Variants in PTPRK observed in about 807,000 individuals in gnomAD.
The protein encoded by PTPRK is receptor-type tyrosine-protein phosphatase kappa.
Under a neutral mutation model 178.0 loss-of-function variants are expected in PTPRK, and 75 were observed. The observed-to-expected ratio is 0.42, with a 90% CI of 0.35 to 0.51. PTPRK has a LOEUF of 0.51. Ranked by LOEUF, PTPRK falls within the 20% of genes least tolerant of loss-of-function variation. The pLI is 0.02. For missense variants in PTPRK, 1,441 were observed against 1,797.8 expected, an observed-to-expected ratio of 0.80 and a Z score of 3.59; for synonymous variants, 637 against 620.6, an observed-to-expected ratio of 1.03 and a Z score of -0.39.
intron 1 of PTPRK, among the ~76,000 whole-genome samples, chr6:128,445,654 G>A (rs1267042673): frequency 6.6e-6 from 1 of 151,938 alleles, no homozygotes; most frequent in Non-Finnish European, 1.5e-5. Context: ...CAAAGCAATG[G>A]CAATTATATA....
At chr6:128,336,898 C>T (rs1203041733) in intron 2 of PTPRK, among the ~76,000 whole-genome samples, 1 of 152,156 alleles carries the variant, frequency 6.6e-6, no homozygotes, top group African/African-American at 2.4e-5. Flanking sequence ...ACTGCATGCT[C>T]AAGCACAAGT....
At chr6:128,142,166 T>C (rs953202315) in intron 7 of PTPRK, among the ~76,000 whole-genome samples, 1 of 152,014 alleles carries the variant, frequency 6.6e-6, no homozygotes, top group African/African-American at 2.4e-5. Flanking sequence ...ACAGCTATTG[T>C]AAATGACAAT....
At chr6:128,346,773 C>G (rs1175574020) in intron 2 of PTPRK, among the ~76,000 whole-genome samples, 1 of 152,060 alleles carries the variant, frequency 6.6e-6, no homozygotes, top group Non-Finnish European at 1.5e-5. Context: ...GATAATACAG[C>G]CTGCCTCATA....
At chr6:128,132,898 G>C (rs1794472761) in intron 7 of PTPRK, among the ~76,000 whole-genome samples, 2 of 152,004 alleles carry the variant, frequency 1.3e-5, no homozygotes, top group Admixed American at 1.3e-4. Context: ...TGAACATCTA[G>C]GTGTCAGCAT....
intron 1 of PTPRK, among the ~76,000 whole-genome samples, chr6:128,433,209 C>T (rs1845062592): frequency 6.6e-6 from 1 of 152,100 alleles, no homozygotes; most frequent in South Asian, 2.1e-4. Context: ...AGAACGTATT[C>T]CTTCTATCTA....
chr6:128,255,201 G>GA (rs1246755154), intron 3 of PTPRK, among the ~76,000 whole-genome samples: 1 of 152,098 alleles, frequency 6.6e-6, no homozygotes, highest in Non-Finnish European at 1.5e-5. Context: ...ATGTTGGCCA[G>GA]GATGGGCTCG....
At chr6:128,309,635 T>C (rs1298843806) in intron 3 of PTPRK, among the ~76,000 whole-genome samples, 1 of 152,198 alleles carries the variant, frequency 6.6e-6, no homozygotes, top group Non-Finnish European at 1.5e-5. Context: ...CTTTGTTTTA[T>C]ATTATGGAAG....
chr6:128,115,298 C>A (rs1791317555), intron 7 of PTPRK, among the ~76,000 whole-genome samples: 1 of 152,106 alleles, frequency 6.6e-6, no homozygotes, highest in Admixed American at 6.6e-5. Context: ...CATTCAGAAG[C>A]AATGTCCCAC....
intron 13 of PTPRK, among the ~76,000 whole-genome samples, chr6:128,013,669 T>C (rs1779287761): frequency 6.6e-6 from 1 of 151,504 alleles, no homozygotes; most frequent in African/African-American, 2.4e-5. Context: ...AAACAAAAAC[T>C]GGAATTATCT....
chr6:128,233,559 T>C (rs1291605487), intron 5 of PTPRK, among the ~76,000 whole-genome samples: 7 of 152,222 alleles, frequency 4.6e-5, no homozygotes, highest in Non-Finnish European at 1.5e-5. Flanking sequence ...TCTCAAGCCA[T>C]TGCTTAAATT....
intron 13 of PTPRK, among the ~76,000 whole-genome samples, chr6:128,014,062 GT>G (rs1259705663): frequency 1.3e-5 from 2 of 151,572 alleles, no homozygotes; most frequent in Non-Finnish European, 3.0e-5. Context: ...GAAAATATTA[GT>G]TGAATAAATG....
At chr6:128,391,904 T>C (rs573078824) in intron 2 of PTPRK, among the ~76,000 whole-genome samples, 2 of 152,264 alleles carry the variant, frequency 1.3e-5, no homozygotes, top group South Asian at 2.1e-4. Context: ...ATAACTTTTA[T>C]TGTATGCATC....
intron 1 of PTPRK, among the ~76,000 whole-genome samples, chr6:128,503,191 A>C (rs1315985033): frequency 6.6e-6 from 1 of 152,198 alleles, no homozygotes; most frequent in Non-Finnish European, 1.5e-5. Flanking sequence ...GCGCCACTGC[A>C]CTCCAGCCTA....
At chr6:128,189,173 TC>T (rs1461737041) in intron 6 of PTPRK, among the ~76,000 whole-genome samples, 1 of 151,542 alleles carries the variant, frequency 6.6e-6, no homozygotes, top group African/African-American at 2.4e-5. Context: ...CTGAGCTGGG[TC>T]CAGAGTAGCA....
At chr6:128,190,684 A>G (rs1177604469) in intron 6 of PTPRK, among the ~76,000 whole-genome samples, 1 of 151,706 alleles carries the variant, frequency 6.6e-6, no homozygotes, top group African/African-American at 2.4e-5. Flanking sequence ...TTTTTAGTAG[A>G]GATGGGGTTT....
At chr6:128,455,782 T>C (rs752825460) in intron 1 of PTPRK, among the ~76,000 whole-genome samples, 1 of 152,172 alleles carries the variant, frequency 6.6e-6, no homozygotes, top group Non-Finnish European at 1.5e-5. Flanking sequence ...TTTCTGGTGG[T>C]ATTTGTCCAG....
Position 128,439,258 on chromosome 6 carries a change from A to G in PTPRK, c.101-41570T>C, listed in dbSNP as rs1261421229. On this transcript the variant is annotated intron_variant, in intron 1 of 29. Coordinates refer to ENST00000368226, the MANE Select transcript of PTPRK (RefSeq NM_002844.4). ...TACTGAAGTGGTGGGGTGGGGGGCTATGAATGAGCACGGTAGATAACACCT... is the reference window on the plus strand; with the variant it reads ...TACTGAAGTGGTGGGGTGGGGGGCTGTGAATGAGCACGGTAGATAACACCT... Among the ~76,000 whole-genome samples the G allele has an allele frequency of 4.6e-5, 7 of 152,176 alleles. No homozygotes were observed. In the East Asian group the frequency reaches 1.3e-3, roughly 29 times the overall value.
chr6:128,176,173 G>A (rs1034807663), intron 7 of PTPRK, among the ~76,000 whole-genome samples: 1 of 151,856 alleles, frequency 6.6e-6, no homozygotes, highest in South Asian at 2.1e-4. Flanking sequence ...GCATATGTGT[G>A]TGTATATTCC....
At chr6:128,318,515 T>C (rs1289004344) in intron 3 of PTPRK, among the ~76,000 whole-genome samples, 1 of 152,196 alleles carries the variant, frequency 6.6e-6, no homozygotes, top group Non-Finnish European at 1.5e-5. Flanking sequence ...AAAGGCACTT[T>C]CTGCTATACT....
Sources: gnomAD v4.1 joint callset for allele counts (sites outside exome capture counted in the v4.1 genomes callset) on GRCh38, gnomAD v4.1.1 for gene constraint, MANE v1.5 for transcripts, NCBI Gene and HGNC (gene_info 2026-07-23, HGNC 2026-07-21) for gene names.